Variants in LETM2 observed in about 807,000 individuals in gnomAD.
LETM2 encodes LETM1 domain-containing protein LETM2, mitochondrial.
In LETM2, 58 loss-of-function variants were observed where a neutral mutation model predicts 59.6. That is an observed-to-expected ratio of 0.97 (90% CI 0.79 to 1.21). The LOEUF is 1.21. LETM2 is among the 50% of genes most tolerant of loss of function. The pLI, the probability that LETM2 is intolerant of heterozygous loss-of-function variation, is 0.00. For missense variants in LETM2, 572 were observed against 575.7 expected (o/e 0.99, Z 0.07); for synonymous variants, 199 against 214.1 (o/e 0.93, Z 0.62).
chr8:38,406,871 ATT>A (rs1491307079), intron 8 of LETM2, 73 bp from the exon 9 acceptor site: 1 of 913,326 alleles, frequency 1.1e-6, no homozygotes, highest in Non-Finnish European at 1.8e-6. Context: ...TAAAAAAGGC[ATT>A]GACTACTGTA....
At chr8:38,399,782 A>AAG (rs1040533973) in intron 4 of LETM2, among the ~76,000 whole-genome samples, 1 of 151,156 alleles carries the variant, frequency 6.6e-6, no homozygotes, top group Non-Finnish European at 1.5e-5. Context: ...CATCTCAAAA[A>AAG]AAAAAAAAAA....
At chr8:38,390,155 A>C (rs1812109052) in intron 2 of LETM2, among the ~76,000 whole-genome samples, 1 of 152,044 alleles carries the variant, frequency 6.6e-6, no homozygotes, top group Admixed American at 6.6e-5. Flanking sequence ...GTGAGCTGTG[A>C]TCACACCACT....
intron 4 of LETM2, among the ~76,000 whole-genome samples, chr8:38,399,551 G>A (rs1030480321): frequency 2.6e-5 from 4 of 152,212 alleles, no homozygotes; most frequent in Admixed American, 2.6e-4. Flanking sequence ...GCCGAGACAG[G>A]CAGATCACTT....
chr8:38,407,240 T>C, intron 9 of LETM2, 122 bp from the exon 10 acceptor site: 1 of 881,098 alleles, frequency 1.1e-6, no homozygotes, highest in Non-Finnish European at 1.8e-6. Context: ...TTTTGCCTTT[T>C]GAATCCTGTG....
chr8:38,386,168 CT>C (rs1291633688), upstream of LETM2: 2 of 152,254 alleles, frequency 1.3e-5, no homozygotes, highest in East Asian at 3.9e-4. Flanking sequence ...ACCATGGCGA[CT>C]ATCAGACATA....
At chr8:38,401,092 T>G in intron 6 of LETM2, 39 bp downstream of exon 6, 1 of 1,525,378 alleles carries the variant, frequency 6.6e-7, no homozygotes, top group Non-Finnish European at 9.1e-7. Flanking sequence ...TTAGCAAGGT[T>G]TTGGGACATA....
chr8:38,399,461 T>TA (rs1352034996), intron 4 of LETM2, among the ~76,000 whole-genome samples: 1 of 152,146 alleles, frequency 6.6e-6, no homozygotes, highest in African/African-American at 2.4e-5. Flanking sequence ...GCAGACTGGA[T>TA]AGTTTGCACC....
rs1379973535 is a variant in LETM2 at position 38,409,219 on chromosome 8, A to G, written c.*945A>G. ...CCCTGGGGAGTGGTTAGAAGGCCAA[A>G]GGTATTTCAGCCTGTAGGTGATAAA... is the stretch of plus-strand genomic sequence containing the variant. On this transcript the variant is annotated 3_prime_UTR_variant, in exon 11 of 11. Coordinates refer to ENST00000379957, the MANE Select transcript of LETM2 (RefSeq NM_001286819.2). 1 of 152,216 alleles carries G rather than the reference A, an allele frequency of 6.6e-6. No individual in the cohort carries two copies. Among genetic ancestry groups the G allele is most frequent in the East Asian group, 1.9e-4 (1 of 5,202 alleles). The allele number at this position is 152,216 out of a possible 1,614,324, so 9.4% of individuals were successfully genotyped here.
At chr8:38,400,652 G>A (rs544715445) in intron 5 of LETM2, 2 of 661,562 alleles carry the variant, frequency 3.0e-6, no homozygotes, top group African/African-American at 1.8e-5. Context: ...AGTAGATTTA[G>A]AGTCAAACTT....
At chr8:38,392,446 A>T in intron 2 of LETM2, 96 bp from the exon 3 acceptor site, 1 of 801,638 alleles carries the variant, frequency 1.2e-6, no homozygotes, top group Non-Finnish European at 2.0e-6. Context: ...TTTTGACCAG[A>T]TGTACTATCT....
chr8:38,392,151 A>G (rs1204732151), intron 2 of LETM2, among the ~76,000 whole-genome samples: 1 of 151,782 alleles, frequency 6.6e-6, no homozygotes, highest in African/African-American at 2.4e-5. Flanking sequence ...TTGGCCAGGC[A>G]TGGTGGCTCA....
chr8:38,400,037 C>A (rs181165910), intron 4 of LETM2, among the ~76,000 whole-genome samples: 1 of 152,082 alleles, frequency 6.6e-6, no homozygotes, highest in East Asian at 1.9e-4. Context: ...TTGGATCTAT[C>A]AAATGCTTAT....
chr8:38,398,919 C>T (rs1439247465), intron 4 of LETM2, among the ~76,000 whole-genome samples: 4 of 151,950 alleles, frequency 2.6e-5, no homozygotes, highest in African/African-American at 7.3e-5. Context: ...AGGGTTTCAC[C>T]GTGACAGGCC....
chr8:38,390,217 A>G (rs1812114341), intron 2 of LETM2, among the ~76,000 whole-genome samples: 1 of 151,782 alleles, frequency 6.6e-6, no homozygotes, highest in South Asian at 2.1e-4. Flanking sequence ...GGCATGGTGC[A>G]TATGCCTGTA....
Position 38,406,659 on chromosome 8 carries a change from A to G in LETM2, c.1219-287A>G, listed in dbSNP as rs1813746011. On this transcript the variant is annotated intron_variant, in intron 8 of 10. Transcript: ENST00000379957. ...TTGAGAAATGGCTTTTGAGGCCAACAGCAGGACCAGTGCCATCAGTGGATT... is the reference window on the plus strand; with the variant it reads ...TTGAGAAATGGCTTTTGAGGCCAACGGCAGGACCAGTGCCATCAGTGGATT... 1.6e-5 allele frequency: 5 copies of G among 308,682 alleles called. 1 individual carries two copies. The Admixed American group carries it at 2.4e-4, about 15-fold the overall frequency. The allele number at this position is 308,682 out of a possible 1,614,324, so 19.1% of individuals were successfully genotyped here. A position where few individuals can be genotyped will look rare whatever the true frequency, so the allele number is the denominator to read the frequency against.
At chr8:38,384,433 T>C (rs181317825), upstream of LETM2, among the ~76,000 whole-genome samples, 1 of 152,348 alleles carries the variant, frequency 6.6e-6, no homozygotes. Flanking sequence ...AATAATAGTT[T>C]ACATTTTCAG....
At chr8:38,395,128 A>G (rs1258630051) in intron 4 of LETM2, among the ~76,000 whole-genome samples, 1 of 152,224 alleles carries the variant, frequency 6.6e-6, no homozygotes, top group Non-Finnish European at 1.5e-5. Flanking sequence ...CTCCTATGAA[A>G]GGACACCTCG....
At chr8:38,386,322 C>G (rs1284384696), upstream of LETM2, 1 of 152,278 alleles carries the variant, frequency 6.6e-6, no homozygotes, top group Non-Finnish European at 1.5e-5. Context: ...AAACCAAGCC[C>G]CACAAAGAAG....
intron 4 of LETM2, among the ~76,000 whole-genome samples, chr8:38,397,306 C>T (rs973479891): frequency 7.9e-5 from 12 of 152,178 alleles, no homozygotes; most frequent in African/African-American, 2.6e-4. Flanking sequence ...CCTCCTGAGT[C>T]GCTGAGATTA....
Sources: allele counts gnomAD v4.1 joint callset (sites outside exome capture counted in the v4.1 genomes callset), GRCh38; gene constraint gnomAD v4.1.1; transcripts MANE v1.5; gene names NCBI Gene and HGNC (gene_info 2026-07-23, HGNC 2026-07-21).